ANKRD44: variants seen among roughly 807,000 people sequenced by gnomAD.
ANKRD44 encodes the protein serine/threonine-protein phosphatase 6 regulatory ankyrin repeat subunit B.
A neutral mutation model predicts 116.0 loss-of-function variants in ANKRD44; 35 were observed. The observed-to-expected ratio is 0.30, with a 90% CI of 0.23 to 0.40. ANKRD44 has a LOEUF of 0.40. Ranked by LOEUF, ANKRD44 falls within the 10% of genes least tolerant of loss-of-function variation. ANKRD44 has a pLI of 1.00. For synonymous variants in ANKRD44, 435 were observed against 461.8 expected (o/e 0.94, Z 0.74); for missense variants, 1,014 against 1,242.6 (o/e 0.82, Z 2.77).
chr2:197,039,898 G>C (rs538106073), intron 16 of ANKRD44, among the ~76,000 whole-genome samples: 1 of 152,138 alleles, frequency 6.6e-6, no homozygotes, highest in African/African-American at 2.4e-5. Flanking sequence ...AATAGGCAAA[G>C]AGGATAATTT....
chr2:197,154,418 A>G (rs1406891459), intron 2 of ANKRD44, among the ~76,000 whole-genome samples: 8 of 151,874 alleles, frequency 5.3e-5, no homozygotes, highest in Non-Finnish European at 8.8e-5. Context: ...TGACCTCGTG[A>G]TCCGCCCGCC....
chr2:197,207,808 A>G (rs868655524), intron 1 of ANKRD44, among the ~76,000 whole-genome samples: 2 of 152,208 alleles, frequency 1.3e-5, no homozygotes, highest in Admixed American at 1.3e-4. Flanking sequence ...CAACCTTAAC[A>G]TTTGGCAACT....
chr2:197,092,408 T>C (rs754308970), intron 10 of ANKRD44, among the ~76,000 whole-genome samples: 1 of 152,222 alleles, frequency 6.6e-6, no homozygotes, highest in African/African-American at 2.4e-5. Context: ...CAAAAGTTAT[T>C]ATGATGATGT....
rs142575869 is a variant in ANKRD44, at chr2:197,052,934, C to T, written c.1650+25769G>A. On this transcript the variant is annotated intron_variant, in intron 16 of 27. Coordinates refer to ENST00000282272, the MANE Select transcript of ANKRD44 (RefSeq NM_001195144.2). Reference sequence around the variant, plus strand: ...CCTCTAATCCCAGCACTTTGGGAGGCCAAGGTGGGCAGATCACCTGAGGTC... The same window carrying T: ...CCTCTAATCCCAGCACTTTGGGAGGTCAAGGTGGGCAGATCACCTGAGGTC... Among the ~76,000 whole-genome samples, 802 of 152,162 alleles carry T rather than the reference C, an allele frequency of 5.3e-3. 5 individuals are homozygous for T. The highest frequency in any genetic ancestry group is 7.5e-3 in the Non-Finnish European group (513 of 68,012).
chr2:196,978,322 C>T (rs576427996), intron 21 of ANKRD44, among the ~76,000 whole-genome samples: 1 of 152,170 alleles, frequency 6.6e-6, no homozygotes, highest in Non-Finnish European at 1.5e-5. Flanking sequence ...TTCCTGAGGC[C>T]CTCACCAGAA....
At chr2:197,260,723 TC>T (rs1341563144) in intron 1 of ANKRD44, among the ~76,000 whole-genome samples, 1 of 151,962 alleles carries the variant, frequency 6.6e-6, no homozygotes, top group East Asian at 1.9e-4. Flanking sequence ...TTCCTATTTC[TC>T]CACATCCTCT....
Position 196,988,411 on chromosome 2 carries a change from A to G in ANKRD44, c.*1180T>C. 1 of 985,466 alleles carries G rather than the reference A, an allele frequency of 1.0e-6. No homozygotes were observed. The highest frequency in any genetic ancestry group is 1.2e-6 in the Non-Finnish European group (1 of 829,942). 61.0% of individuals were successfully genotyped at this position (985,466 alleles called of 1,614,324 possible). ...ACAAACGAAAAGGACAGAAGGTGGG[A>G]AGCACAACACCAAGAATTCAAAAAA... On this transcript the variant is annotated 3_prime_UTR_variant, in exon 28 of 28. Transcript: ENST00000282272.
At chr2:197,091,062 T>C (rs1363557108) in intron 10 of ANKRD44, among the ~76,000 whole-genome samples, 1 of 152,252 alleles carries the variant, frequency 6.6e-6, no homozygotes, top group African/African-American at 2.4e-5. Flanking sequence ...CGCTGGCCCT[T>C]TGCCCTCGCT....
chr2:197,266,038 C>T (rs996785793), intron 1 of ANKRD44, among the ~76,000 whole-genome samples: 3 of 151,928 alleles, frequency 2.0e-5, no homozygotes, highest in Non-Finnish European at 2.9e-5. Flanking sequence ...CCAAGCAGAA[C>T]GTCACAAACT....
At chr2:196,985,944 G>T (rs1038818168), downstream of ANKRD44, among the ~76,000 whole-genome samples, 1 of 152,184 alleles carries the variant, frequency 6.6e-6, no homozygotes, top group Admixed American at 6.5e-5. Flanking sequence ...AGTCCCTGAA[G>T]GGTAATGGTG....
chr2:196,971,402 G>A (rs1574203626), intron 21 of ANKRD44, among the ~76,000 whole-genome samples: 1 of 152,192 alleles, frequency 6.6e-6, no homozygotes, highest in South Asian at 2.1e-4. Context: ...TCTCACCCAG[G>A]CTGGAGTGCA....
chr2:197,006,851 T>C lies in ANKRD44; in HGVS notation c.2131-941A>G, dbSNP rs116853039. On this transcript the variant is annotated intron_variant, in intron 20 of 27. Coordinates refer to ENST00000282272, the MANE Select transcript of ANKRD44 (RefSeq NM_001195144.2). The stretch of plus-strand genomic sequence containing the variant: ...GGGTGCAAGTGGCTAATGCCTGTAA[T>C]CCCAGCACTTTGTGAGGTGGAGGCA... 1.6e-3 allele frequency among the ~76,000 whole-genome samples: 251 copies of C among 152,316 alleles called. 1 individual carries two copies. The East Asian group carries it at 0.03, about 18-fold the overall frequency.
chr2:197,018,159 G>A (rs908065629), intron 17 of ANKRD44, among the ~76,000 whole-genome samples: 25 of 152,156 alleles, frequency 1.6e-4, no homozygotes, highest in African/African-American at 4.8e-4. Flanking sequence ...TTGTCCCACT[G>A]CAATCTGTTA....
chr2:197,285,721 G>A (rs2083387465), intron 1 of ANKRD44, among the ~76,000 whole-genome samples: 1 of 152,016 alleles, frequency 6.6e-6, no homozygotes, highest in Non-Finnish European at 1.5e-5. Context: ...AACCTTGGTT[G>A]GACAGATTGC....
intron 1 of ANKRD44, among the ~76,000 whole-genome samples, chr2:197,278,333 G>T (rs2083153317): frequency 6.6e-6 from 1 of 151,794 alleles, no homozygotes; most frequent in South Asian, 2.1e-4. Context: ...TCCTAAATGT[G>T]CATCCAGGTA....
At chr2:197,015,937 GGAA>G in intron 17 of ANKRD44, 1 of 531,330 alleles carries the variant, frequency 1.9e-6, no homozygotes. Context: ...TAGTTTTGGT[GGAA>G]GAAGCTCAGA....
intron 16 of ANKRD44, among the ~76,000 whole-genome samples, chr2:197,032,515 A>G (rs2076726698): frequency 6.6e-6 from 1 of 151,622 alleles, no homozygotes; most frequent in East Asian, 1.9e-4. Context: ...CAGCCTCCTG[A>G]GTAGCTGGGA....
At chr2:197,209,554 C>T (rs866512104) in intron 1 of ANKRD44, among the ~76,000 whole-genome samples, 1 of 152,224 alleles carries the variant, frequency 6.6e-6, no homozygotes, top group Admixed American at 6.5e-5. Flanking sequence ...TTCCTCAGCA[C>T]TCAAGCAGTC....
intron 2 of ANKRD44, among the ~76,000 whole-genome samples, chr2:197,160,458 A>G (rs1310018333): frequency 1.3e-5 from 2 of 152,146 alleles, no homozygotes; most frequent in African/African-American, 4.8e-5. Context: ...CAGCCAGCCA[A>G]TAGCAGTGCT....
Sources: allele counts gnomAD v4.1 joint callset (sites outside exome capture counted in the v4.1 genomes callset), GRCh38; gene constraint gnomAD v4.1.1; transcripts MANE v1.5; gene names NCBI Gene and HGNC (gene_info 2026-07-23, HGNC 2026-07-21).